NFATC3: variants seen among roughly 807,000 people sequenced by gnomAD.
NFATC3 encodes the protein nuclear factor of activated T-cells, cytoplasmic 3.
Under a neutral mutation model 98.6 loss-of-function variants are expected in NFATC3, and 46 were observed. The observed-to-expected ratio is 0.47, with a 90% CI of 0.37 to 0.60. The LOEUF is 0.60. Among genes scored for constraint, NFATC3 ranks in the 20% least tolerant of loss-of-function variants. The pLI, the probability that NFATC3 is intolerant of heterozygous loss-of-function variation, is 0.00. For synonymous variants in NFATC3, 512 were observed against 472.2 expected (o/e 1.08, Z -1.09); for missense variants, 1,256 against 1,295.5 (o/e 0.97, Z 0.47).
Position 68,191,385 on chromosome 16 carries a change from C to T in NFATC3, c.2716C>T (p.Pro906Ser). 6.2e-7 allele frequency: 1 copy of T among 1,614,130 alleles called. No homozygotes were observed. ...AGTGGCTGACCAGATTACAGGTCAG[C>T]CTTCGTCTCAGTTACAACCTATTAC... is the stretch of plus-strand genomic sequence containing the variant. Reference protein sequence around the residue: ...SPVADQITGQPSSQLQPITYG... With the variant: ...SPVADQITGQSSSQLQPITYG... The change falls in exon 9 of 10, where the codon CCT becomes TCT. Residue 906 changes from proline to serine, a missense_variant. Transcript: ENST00000346183.
intron 9 of NFATC3, among the ~76,000 whole-genome samples, chr16:68,203,762 A>G (rs2041025451): frequency 1.3e-5 from 2 of 151,896 alleles, no homozygotes; most frequent in African/African-American, 4.8e-5. Context: ...ATTTAAAAAT[A>G]GTTAATGGCT....
chr16:68,199,364 C>CA lies in NFATC3; in HGVS notation c.3106+7590dup, dbSNP rs1376064085. 9.4e-5 allele frequency among the ~76,000 whole-genome samples: 14 copies of CA among 149,014 alleles called. No homozygotes were observed. The East Asian group carries it at 2.9e-3, about 31-fold the overall frequency. On this transcript the variant is annotated intron_variant, in intron 9 of 9. Transcript: ENST00000346183. The stretch of plus-strand genomic sequence containing the variant: ...TCAGCCTCCTGAGTAGCTGGGACTA[C>CA]AGGCGCCCGCCACCACGCCCGGCTA...
At chr16:68,174,959 T>C (rs2039619134) in intron 6 of NFATC3, among the ~76,000 whole-genome samples, 1 of 152,242 alleles carries the variant, frequency 6.6e-6, no homozygotes, top group South Asian at 2.1e-4. Context: ...TGTCCGTACA[T>C]GAACTTAGAG....
chr16:68,226,934 G>GAAAAA lies in NFATC3; in HGVS notation c.*467_*468insAAAAA, dbSNP rs1798370623. The GAAAAA allele has an allele frequency of 5.1e-5, 5 of 98,432 alleles. No homozygotes were observed. Among genetic ancestry groups the GAAAAA allele is most frequent in the South Asian group, 3.5e-4 (1 of 2,898 alleles). The allele number at this position is 98,432 out of a possible 1,614,324, so 6.1% of individuals were successfully genotyped here. ...AAAAAAAAAAAAAAAGAAAAAAAAA[G>GAAAAA]AAAAGAAAAAAAGAAAAAGAAAAAA... On this transcript the variant is annotated 3_prime_UTR_variant, in exon 10 of 10. Transcript: ENST00000346183.
At chr16:68,194,463 A>G (rs536986428) in intron 9 of NFATC3, among the ~76,000 whole-genome samples, 1 of 152,336 alleles carries the variant, frequency 6.6e-6, no homozygotes, top group African/African-American at 2.4e-5. Context: ...TAAATGATGA[A>G]ACCAAAAGGT....
At chr16:68,202,754 G>A (rs1475594455) in intron 9 of NFATC3, among the ~76,000 whole-genome samples, 1 of 152,138 alleles carries the variant, frequency 6.6e-6, no homozygotes, top group East Asian at 1.9e-4. Flanking sequence ...GGAGGTTGCA[G>A]TGAGCCGAGA....
At position 68,191,058 on chromosome 16, in the gene NFATC3, C is replaced by T. The variant is rs965113814; in HGVS notation, c.2389C>T (p.Pro797Ser). 1 of 1,614,208 alleles carries T rather than the reference C, an allele frequency of 6.2e-7. No homozygotes were observed. Among genetic ancestry groups the T allele is most frequent in the Non-Finnish European group, 8.5e-7 (1 of 1,180,048 alleles). Residue 797 changes from proline (P) to serine (S), a missense_variant, in exon 9 of 10, where the codon CCT (proline) becomes TCT (serine). Physicochemically the swap from Pro to Ser is moderately conservative, Grantham distance 74. Around this residue, in one of 3 missense-constraint regions of NFATC3, gnomAD observed 636 missense variants for 617.3 expected, o/e 1.03. Transcript: ENST00000346183. ...GCCTTTTCAAGTCACACCAACACCT[C>T]CTGTGGGGTCTTCCTATCAGCCTAT... ...HQPFQVTPTP[P>S]VGSSYQPMQT...
intron 1 of NFATC3, among the ~76,000 whole-genome samples, chr16:68,106,978 T>C (rs919874205): frequency 2.0e-5 from 3 of 152,120 alleles, no homozygotes; most frequent in African/African-American, 7.2e-5. Flanking sequence ...TGTGTTCTCA[T>C]TGTTCACCTA....
chr16:68,217,905 T>A (rs1476739183), intron 9 of NFATC3: 1 of 1,225,982 alleles, frequency 8.2e-7, no homozygotes, highest in Non-Finnish European at 1.0e-6. Flanking sequence ...AAATATACTC[T>A]GTAGCTGGGT....
intron 3 of NFATC3, among the ~76,000 whole-genome samples, chr16:68,137,071 G>C (rs542818003): frequency 4.2e-4 from 64 of 152,128 alleles, no homozygotes; most frequent in South Asian, 6.2e-4. Context: ...AGTACTCTTA[G>C]GCTGTACTAT....
chr16:68,183,102 A>G (rs1194302427), intron 7 of NFATC3, 138 bp from the exon 8 acceptor site: 1 of 784,152 alleles, frequency 1.3e-6, no homozygotes, highest in Non-Finnish European at 2.0e-6. Flanking sequence ...AAATCTCCAG[A>G]TGATGTATAT....
rs1305753648 is a variant in NFATC3 at position 68,123,102 on chromosome 16, G to A, written c.1219G>A (p.Gly407Ser). ...CTTTACCTGGAGCAAACCAAAGCCT[G>A]GCCACACCCCTATATTTCGGTGAGT... ...SPFTWSKPKPGHTPIFRTSSL... is the reference protein window; with the variant it reads ...SPFTWSKPKPSHTPIFRTSSL... The change falls in exon 2 of 10, where the codon GGC (glycine) becomes AGC (serine). Residue 407 changes from glycine to serine, a missense_variant. This residue lies in a region of NFATC3 where 156 missense variants were observed against 212.4 expected (regional missense o/e 0.73). Coordinates refer to ENST00000346183, the MANE Select transcript of NFATC3 (RefSeq NM_173165.3). 4 of 1,601,564 alleles carry A rather than the reference G, an allele frequency of 2.5e-6. No individual in the cohort carries two copies. The highest frequency in any genetic ancestry group is 4.5e-5 in the East Asian group (2 of 44,860).
At chr16:68,199,284 C>A (rs1250098015) in intron 9 of NFATC3, among the ~76,000 whole-genome samples, 1 of 145,954 alleles carries the variant, frequency 6.9e-6, no homozygotes, top group African/African-American at 2.5e-5. Context: ...AGTGCAGTGG[C>A]GCGATCTTGG....
At chr16:68,138,565 TC>T in intron 3 of NFATC3, 1 of 1,289,204 alleles carries the variant, frequency 7.8e-7, no homozygotes. Context: ...GCTTCTACTG[TC>T]CATGGGAAAG....
rs1555522048 is a variant in NFATC3, at chr16:68,192,230, A to AATATATAT, written c.3106+472_3106+479dup. 93 of 82,576 alleles carry AATATATAT rather than the reference A, an allele frequency of 1.1e-3. 5 individuals are homozygous for AATATATAT. The highest frequency in any genetic ancestry group is 2.7e-3 in the African/African-American group (47 of 17,440). 5.1% of individuals were successfully genotyped at this position (82,576 alleles called of 1,614,324 possible). A position where few individuals can be genotyped will look rare whatever the true frequency, so the allele number is the denominator to read the frequency against. ...CTCGGGAAAAAAAAAAAAAAAAAAA[A>AATATATAT]ATATATATATATATATATATATATG... On this transcript the variant is annotated intron_variant, in intron 9 of 9. Coordinates refer to ENST00000346183, the MANE Select transcript of NFATC3 (RefSeq NM_173165.3).
chr16:68,162,541 T>G (rs1019310679), intron 4 of NFATC3, among the ~76,000 whole-genome samples: 3 of 152,146 alleles, frequency 2.0e-5, no homozygotes, highest in Non-Finnish European at 2.9e-5. Flanking sequence ...AGATACTCCC[T>G]TGGTTTTGCC....
rs761632672 is a variant in NFATC3, at chr16:68,126,488, C to G, written c.1279C>G (p.His427Asp). 9 of 1,614,032 alleles carry G rather than the reference C, an allele frequency of 5.6e-6. No individual in the cohort carries two copies. The East Asian group carries it at 2.0e-4, about 36-fold the overall frequency. ...TCCACTAGACTGGCCTTTACCAGCTCATTTTGGACAATGTGAACTGAAAAT... is the reference window on the plus strand; with the variant it reads ...TCCACTAGACTGGCCTTTACCAGCTGATTTTGGACAATGTGAACTGAAAAT... ...LPPLDWPLPA[H>D]FGQCELKIEV... The change falls in exon 3 of 10, where the codon CAT becomes GAT. Residue 427 changes from histidine to aspartate, a missense_variant. His to Asp is a moderately conservative substitution (Grantham distance 81). Transcript: ENST00000346183.
Position 68,203,709 on chromosome 16 carries a change from A to G in NFATC3, c.3106+11934A>G, listed in dbSNP as rs1290136584. 5.9e-5 allele frequency among the ~76,000 whole-genome samples: 9 copies of G among 152,306 alleles called. No homozygotes were observed. In the East Asian group the frequency reaches 1.4e-3, roughly 23 times the overall value. On this transcript the variant is annotated intron_variant, in intron 9 of 9. Coordinates refer to ENST00000346183, the MANE Select transcript of NFATC3 (RefSeq NM_173165.3). Reference sequence around the variant, plus strand: ...GTCCAAGAGAGGCTACCACTAAAGCAGCATATCAGAAGTCTTCAAACTAAG... The same window carrying G: ...GTCCAAGAGAGGCTACCACTAAAGCGGCATATCAGAAGTCTTCAAACTAAG...
At chr16:68,142,881 C>A (rs994675719) in intron 3 of NFATC3, among the ~76,000 whole-genome samples, 1 of 151,936 alleles carries the variant, frequency 6.6e-6, no homozygotes, top group Non-Finnish European at 1.5e-5. Flanking sequence ...ATGCCCTTTA[C>A]TTCTTTCTCT....
Sources: gnomAD v4.1 joint callset for allele counts (sites outside exome capture counted in the v4.1 genomes callset) on GRCh38, gnomAD v4.1.1 for gene constraint, gnomAD v4.1.1 regional missense constraint, MANE v1.5 for transcripts, NCBI Gene and HGNC (gene_info 2026-07-23, HGNC 2026-07-21) for gene names.